Variants in CDK14 observed in about 807,000 individuals in gnomAD.
CDK14 encodes cyclin-dependent kinase 14.
CDK14 carries 34 observed loss-of-function variants against 60.7 expected under a neutral mutation model. That is an observed-to-expected ratio of 0.56 (90% CI 0.43 to 0.75). The LOEUF is 0.75. CDK14 is among the 30% of genes least tolerant of loss of function. The pLI is 0.00. For missense variants in CDK14, 482 were observed against 564.1 expected, an observed-to-expected ratio of 0.85 and a Z score of 1.47; for synonymous variants, 197 against 203.7, an observed-to-expected ratio of 0.97 and a Z score of 0.28.
At chr7:90,995,870 G>A (rs1442303026) in intron 10 of CDK14, among the ~76,000 whole-genome samples, 1 of 152,306 alleles carries the variant, frequency 6.6e-6, no homozygotes, top group East Asian at 1.9e-4. Flanking sequence ...ACATCCCTCT[G>A]TAGTAAAACA....
intron 5 of CDK14, among the ~76,000 whole-genome samples, chr7:90,849,554 T>G (rs946629738): frequency 6.6e-6 from 1 of 151,958 alleles, no homozygotes; most frequent in Admixed American, 6.5e-5. Flanking sequence ...AATAATAGGG[T>G]ATAAGAGCTC....
At chr7:90,796,352 CA>C (rs947174278) in intron 5 of CDK14, among the ~76,000 whole-genome samples, 5 of 151,772 alleles carry the variant, frequency 3.3e-5, no homozygotes, top group Admixed American at 3.3e-4. Context: ...ATGTTAGTAA[CA>C]AAAAATAATA....
chr7:91,095,081 C>G (rs1257498396), intron 12 of CDK14, among the ~76,000 whole-genome samples: 9 of 152,138 alleles, frequency 5.9e-5, no homozygotes, highest in African/African-American at 1.9e-4. Flanking sequence ...AACTTATCTT[C>G]TAGAGTAGCG....
At chr7:91,124,903 A>G (rs1305346087) in intron 14 of CDK14, among the ~76,000 whole-genome samples, 2 of 152,124 alleles carry the variant, frequency 1.3e-5, no homozygotes, top group Non-Finnish European at 2.9e-5. Flanking sequence ...GTTGATTCTT[A>G]TGAATTTGGG....
At chr7:91,144,484 A>G (rs1439428449) in intron 14 of CDK14, among the ~76,000 whole-genome samples, 3 of 149,024 alleles carry the variant, frequency 2.0e-5, no homozygotes, top group Non-Finnish European at 4.4e-5. Context: ...TCAAAAATGC[A>G]GTAGGTGCAG....
chr7:90,791,878 GGA>G (rs1451804982), intron 5 of CDK14, among the ~76,000 whole-genome samples: 1 of 150,312 alleles, frequency 6.7e-6, no homozygotes, highest in Non-Finnish European at 1.5e-5. Flanking sequence ...TGAGTTAGGG[GGA>G]GTTTCAGGAC....
At chr7:90,787,146 A>G (rs1408451958) in intron 4 of CDK14, among the ~76,000 whole-genome samples, 1 of 152,184 alleles carries the variant, frequency 6.6e-6, no homozygotes, top group Non-Finnish European at 1.5e-5. Context: ...AATGACTCTT[A>G]GGTTAAAGAG....
chr7:90,671,086 C>T (rs1801087823), intron 2 of CDK14, among the ~76,000 whole-genome samples: 1 of 152,058 alleles, frequency 6.6e-6, no homozygotes, highest in African/African-American at 2.4e-5. Context: ...AAGTTTGGTG[C>T]CCCGGCTCTC....
At chr7:90,752,169 C>G (rs1195489668) in intron 4 of CDK14, among the ~76,000 whole-genome samples, 1 of 152,096 alleles carries the variant, frequency 6.6e-6, no homozygotes, top group Non-Finnish European at 1.5e-5. Context: ...CCCTGACCAA[C>G]TAGACCTAAT....
chr7:90,942,381 A>G (rs1793962010), intron 8 of CDK14, among the ~76,000 whole-genome samples: 1 of 152,212 alleles, frequency 6.6e-6, no homozygotes, highest in Non-Finnish European at 1.5e-5. Flanking sequence ...TCAGAGGCAC[A>G]GTTGAATCTT....
intron 12 of CDK14, among the ~76,000 whole-genome samples, chr7:91,108,306 CAAAAAA>C (rs897209753): frequency 6.6e-6 from 1 of 151,588 alleles, no homozygotes; most frequent in African/African-American, 2.4e-5. Context: ...GACTCTGTCT[CAAAAAA>C]GAAAAAAGAG....
In CDK14 at chr7:91,190,332, A is replaced by C. The variant is rs181762182; in HGVS notation, c.*29-16833A>C. Among the ~76,000 whole-genome samples the C allele has an allele frequency of 1.5e-3, 234 of 152,338 alleles. 2 individuals are homozygous for C. Among genetic ancestry groups the C allele is most frequent in the African/African-American group, 5.3e-3 (220 of 41,582 alleles). On this transcript the variant is annotated intron_variant, in intron 14 of 14. Coordinates refer to ENST00000380050, the MANE Select transcript of CDK14 (RefSeq NM_001287135.2). Reference sequence around the variant, plus strand: ...ACATTTCATTGGTCAGGACAGGTCAAATGGCTCAGGGAAGCTGGGAAAGAC... The same window carrying C: ...ACATTTCATTGGTCAGGACAGGTCACATGGCTCAGGGAAGCTGGGAAAGAC...
chr7:90,664,705 G>T (rs574105882), intron 2 of CDK14, among the ~76,000 whole-genome samples: 19 of 151,494 alleles, frequency 1.3e-4, no homozygotes, highest in South Asian at 2.1e-4. Flanking sequence ...AACCAAACAC[G>T]GCATGTTCTC....
chr7:90,650,813 C>T (rs1483328739), intron 2 of CDK14, among the ~76,000 whole-genome samples: 2 of 152,110 alleles, frequency 1.3e-5, no homozygotes, highest in Non-Finnish European at 2.9e-5. Context: ...TTCCATTAGT[C>T]TATATATCTG....
chr7:91,060,962 G>C (rs943163172), intron 11 of CDK14, among the ~76,000 whole-genome samples: 2 of 152,126 alleles, frequency 1.3e-5, no homozygotes, highest in Non-Finnish European at 2.9e-5. Context: ...GCTAGATTGG[G>C]GAAGTTCTCC....
At chr7:90,783,450 A>G (rs1045779437) in intron 4 of CDK14, among the ~76,000 whole-genome samples, 7 of 152,306 alleles carry the variant, frequency 4.6e-5, no homozygotes, top group Admixed American at 3.3e-4. Context: ...AGCGTCTACA[A>G]GCAAACAATC....
intron 11 of CDK14, among the ~76,000 whole-genome samples, chr7:91,048,371 A>G (rs1445943748): frequency 6.6e-6 from 1 of 152,150 alleles, no homozygotes; most frequent in East Asian, 1.9e-4. Flanking sequence ...GTAGAGCACC[A>G]TTGTTTTCTG....
chr7:90,944,000 T>G (rs986776911), intron 8 of CDK14, among the ~76,000 whole-genome samples: 6 of 152,190 alleles, frequency 3.9e-5, no homozygotes, highest in African/African-American at 1.4e-4. Flanking sequence ...GAGTTCTTGC[T>G]CTCAGGGAAC....
intron 2 of CDK14, among the ~76,000 whole-genome samples, chr7:90,636,299 A>G (rs1800147312): frequency 6.6e-6 from 1 of 152,088 alleles, no homozygotes; most frequent in South Asian, 2.1e-4. Flanking sequence ...ATTATTTTGA[A>G]ATACGTCCCA....
Sources: gnomAD v4.1 joint callset for allele counts (sites outside exome capture counted in the v4.1 genomes callset) on GRCh38, gnomAD v4.1.1 for gene constraint, MANE v1.5 for transcripts, NCBI Gene and HGNC (gene_info 2026-07-23, HGNC 2026-07-21) for gene names.